The following AHI1 variants were observed in gnomAD, a reference collection of about 807,000 sequenced individuals.
AHI1 encodes the protein jouberin.
AHI1 carries 123 observed loss-of-function variants against 149.3 expected under a neutral mutation model. The ratio of observed to expected loss-of-function variants is 0.82; its 90% confidence interval spans 0.71 to 0.96. The LOEUF is 0.96. AHI1 is among the 40% of genes least tolerant of loss of function. The pLI is 0.00. For synonymous variants in AHI1, 475 were observed against 459.8 expected, an observed-to-expected ratio of 1.03 and a Z score of -0.42; for missense variants, 1,439 against 1,422.7, an observed-to-expected ratio of 1.01 and a Z score of -0.18.
rs1267506274 is a variant in AHI1 at position 135,492,261 on chromosome 6, G to C, written c.-24C>G. On this transcript the variant is annotated 5_prime_UTR_variant, in exon 4 of 29. Transcript: ENST00000265602. ...ATCTCTCAGCTTTATGCAGAGGACT[G>C]AGAATGCAAAGCATTGACTCAATCA... The C allele has an allele frequency of 6.5e-7, 1 of 1,537,338 alleles. No individual in the cohort carries two copies. Among genetic ancestry groups the C allele is most frequent in the African/African-American group, 1.4e-5 (1 of 72,906 alleles).
intron 8 of AHI1, among the ~76,000 whole-genome samples, chr6:135,458,888 G>T (rs1244271277): frequency 1.3e-5 from 2 of 152,090 alleles, no homozygotes; most frequent in African/African-American, 4.8e-5. Context: ...GATAAAGAAG[G>T]GCGCTGCATT....
chr6:135,310,431 C>T (rs1785040032), intron 26 of AHI1, among the ~76,000 whole-genome samples: 2 of 152,134 alleles, frequency 1.3e-5, no homozygotes, highest in South Asian at 2.1e-4. Context: ...AGAGGAACTA[C>T]CATGAAGTTA....
rs35569285 is a variant in AHI1, at chr6:135,325,027, ATT to A, written c.3166-1705_3166-1704del. ...TGTTATTTAAGGTTTACAAATTACA[ATT>A]TTTTTTTTTTTTTTTGAGATGGAGT... On this transcript the variant is annotated intron_variant, in intron 24 of 28. Transcript: ENST00000265602. 4.2e-3 allele frequency among the ~76,000 whole-genome samples: 568 copies of A among 136,574 alleles called. 6 individuals are homozygous for A. The highest frequency in any genetic ancestry group is 0.015 in the Middle Eastern group (4 of 268). The allele number at this position is 136,574 out of a possible 152,430, so 89.6% of individuals were successfully genotyped here.
rs78643953 is a variant in AHI1 at position 135,435,815 on chromosome 6, G to A, written c.2037-2559C>T. ...TAATAGGGCTTGAATTAAAGCAAAC[G>A]CAATAGAGAGGACGTGACAAAACTG... On this transcript the variant is annotated intron_variant, in intron 15 of 28. Transcript: ENST00000265602. Among the ~76,000 whole-genome samples the A allele has an allele frequency of 9.5e-3, 1,450 of 152,254 alleles. 34 individuals carry two copies. The highest frequency in any genetic ancestry group is 0.033 in the African/African-American group (1,385 of 41,536).
intron 20 of AHI1, among the ~76,000 whole-genome samples, chr6:135,419,282 A>G (rs574635345): frequency 3.3e-5 from 5 of 150,430 alleles, no homozygotes; most frequent in African/African-American, 1.3e-4. Context: ...AATTCCCTGC[A>G]GTACATGCTA....
At chr6:135,362,050 G>A (rs1183190003) in intron 23 of AHI1, among the ~76,000 whole-genome samples, 1 of 151,882 alleles carries the variant, frequency 6.6e-6, no homozygotes, top group African/African-American at 2.4e-5. Context: ...TTCTATCCAG[G>A]TTGCTGTGAA....
intron 28 of AHI1, among the ~76,000 whole-genome samples, chr6:135,286,032 G>T (rs971536978): frequency 7.9e-5 from 12 of 152,164 alleles, no homozygotes; most frequent in Non-Finnish European, 1.8e-4. Context: ...AGTCCTCATG[G>T]ATGATATTCA....
intron 23 of AHI1, among the ~76,000 whole-genome samples, chr6:135,363,052 T>G (rs577878024): frequency 1.3e-4 from 19 of 150,102 alleles, no homozygotes; most frequent in African/African-American, 4.6e-4. Flanking sequence ...TTATTATTAT[T>G]ATTATTATTA....
In AHI1 at chr6:135,432,513, C is replaced by T. The variant is rs552802185; in HGVS notation, c.2266+514G>A. Among the ~76,000 whole-genome samples the T allele has an allele frequency of 5.9e-5, 9 of 152,068 alleles. No homozygotes were observed. In the East Asian group the frequency reaches 9.7e-4, roughly 16 times the overall value. ...GACTACAGGTGCATGCCACCACACC[C>T]GGCTAATTTTTTGTATTTTTAGTAG... On this transcript the variant is annotated intron_variant, in intron 16 of 28. Transcript: ENST00000265602.
intron 20 of AHI1, among the ~76,000 whole-genome samples, chr6:135,418,944 A>ATTTTTTTTTTTTTTTTTTTTT (rs560654045): frequency 7.1e-6 from 1 of 141,396 alleles, no homozygotes. Context: ...AGTACTTATA[A>ATTTTTTTTTTTTTTTTTTTTT]TTTTTTTTTT....
intron 24 of AHI1, among the ~76,000 whole-genome samples, chr6:135,355,627 G>A (rs968302013): frequency 1.3e-5 from 2 of 152,032 alleles, no homozygotes; most frequent in Admixed American, 6.6e-5. Flanking sequence ...TCGGCTGGGC[G>A]CGGTGGCTCA....
chr6:135,344,205 T>G (rs1274755534), intron 24 of AHI1, among the ~76,000 whole-genome samples: 1 of 151,950 alleles, frequency 6.6e-6, no homozygotes, highest in African/African-American at 2.4e-5. Flanking sequence ...AATTGTTATT[T>G]TTTTTCAAAT....
At chr6:135,392,144 A>G (rs1778599594) in intron 23 of AHI1, among the ~76,000 whole-genome samples, 1 of 152,178 alleles carries the variant, frequency 6.6e-6, no homozygotes, top group Non-Finnish European at 1.5e-5. Flanking sequence ...AATTTGGTGC[A>G]TACTTATTTG....
chr6:135,308,385 A>C (rs1402931026), intron 26 of AHI1, among the ~76,000 whole-genome samples: 1 of 152,052 alleles, frequency 6.6e-6, no homozygotes, highest in Admixed American at 6.5e-5. Flanking sequence ...ACAGATGCAC[A>C]CTACCATGCC....
At chr6:135,349,819 T>C (rs1022875144) in intron 24 of AHI1, among the ~76,000 whole-genome samples, 1 of 152,200 alleles carries the variant, frequency 6.6e-6, no homozygotes, top group Non-Finnish European at 1.5e-5. Flanking sequence ...ATCAATTTTT[T>C]CAACTTTTGT....
chr6:135,421,834 T>C lies in AHI1; in HGVS notation c.2764+5333A>G, dbSNP rs117299722. Among the ~76,000 whole-genome samples, 1,363 of 152,258 alleles carry C rather than the reference T, an allele frequency of 9.0e-3. 11 individuals carry two copies. The highest frequency in any genetic ancestry group is 0.019 in the South Asian group (92 of 4,816). On this transcript the variant is annotated intron_variant, in intron 20 of 28. Transcript: ENST00000265602. The stretch of plus-strand genomic sequence containing the variant: ...CTTCAGCATATAACCAAGAAACAGG[T>C]AGTTTTGGCATGTCTTAAAATGTGG...
intron 25 of AHI1, among the ~76,000 whole-genome samples, chr6:135,320,371 G>A (rs1483080543): frequency 6.6e-6 from 1 of 152,196 alleles, no homozygotes; most frequent in Non-Finnish European, 1.5e-5. Flanking sequence ...ATTTCTGTAC[G>A]TAGCCATCAA....
rs543829965 is a variant in AHI1, at chr6:135,307,718, T to C, written c.3427-7160A>G. Among the ~76,000 whole-genome samples the C allele has an allele frequency of 8.4e-4, 127 of 150,922 alleles. 4 individuals carry two copies. In the South Asian group the frequency reaches 0.026, roughly 31 times the overall value. On this transcript the variant is annotated intron_variant, in intron 26 of 28. Transcript: ENST00000265602. ...TTCCTTTAATACTTATAAGTGTTTT[T>C]TCCTTTAATTACAATATTTATATTG...
chr6:135,300,618 A>G, intron 26 of AHI1, 60 bp from the exon 27 acceptor site: 1 of 1,555,856 alleles, frequency 6.4e-7, no homozygotes, highest in Non-Finnish European at 8.7e-7. Context: ...AACACAGTCA[A>G]TATTCACATG....
Sources: gnomAD v4.1 joint callset for allele counts (sites outside exome capture counted in the v4.1 genomes callset) on GRCh38, gnomAD v4.1.1 for gene constraint, MANE v1.5 for transcripts, NCBI Gene and HGNC (gene_info 2026-07-23, HGNC 2026-07-21) for gene names.